Variants in ATXN10 observed in about 807,000 individuals in gnomAD.
ATXN10 encodes ataxin-10.
A neutral mutation model predicts 52.9 loss-of-function variants in ATXN10; 28 were observed. That is an observed-to-expected ratio of 0.53 (90% CI 0.39 to 0.73). The LOEUF (loss-of-function observed/expected upper bound fraction) is 0.73, where lower values mean the gene tolerates loss of function less well. Ranked by LOEUF, ATXN10 falls within the 30% of genes least tolerant of loss-of-function variation. The pLI, the probability that ATXN10 is intolerant of heterozygous loss-of-function variation, is 0.00. For synonymous variants in ATXN10, 226 were observed against 221.5 expected, an observed-to-expected ratio of 1.02 and a Z score of -0.18; for missense variants, 565 against 577.0, an observed-to-expected ratio of 0.98 and a Z score of 0.21.
rs1928744646 is a variant in ATXN10 at position 45,824,164 on chromosome 22, G to A, written c.1237+17142G>A. ...TCAGCCCGTCCTGTTTTCCCTTCCG[G>A]CACTCTGGCCACCCTCTTCTAATAT... On this transcript the variant is annotated intron_variant, in intron 10 of 11. Transcript: ENST00000252934. This position sits in a 1 kb window ranked among gnomAD's most constrained non-coding sequence, Gnocchi z 5.2. Among the ~76,000 whole-genome samples the A allele has an allele frequency of 5.3e-5, 8 of 151,798 alleles. 1 individual carries two copies. The highest frequency in any genetic ancestry group is 4.6e-4 in the Admixed American group (7 of 15,234).
At position 45,718,391 on chromosome 22, in the gene ATXN10, T is replaced by C; in HGVS notation, c.648-22T>C. The C allele has an allele frequency of 6.3e-7, 1 of 1,593,226 alleles. No homozygotes were observed. The highest frequency in any genetic ancestry group is 1.1e-5 in the South Asian group (1 of 90,650). On this transcript the variant is annotated intron_variant, in intron 5 of 11. Coordinates refer to ENST00000252934, the MANE Select transcript of ATXN10 (RefSeq NM_013236.4). This position sits in a 1 kb window ranked among gnomAD's most constrained non-coding sequence, Gnocchi z 4.4. ...TTTACTATGTTTCAAGTAACCAAAC[T>C]TTCCTCCTCTTTTTTCCCTAGGTTC...
In ATXN10 at chr22:45,790,432, C is replaced by T. The variant is rs1248738786; in HGVS notation, c.1174-16527C>T. Among the ~76,000 whole-genome samples the T allele has an allele frequency of 6.6e-6, 1 of 152,312 alleles. No individual in the cohort carries two copies. Among genetic ancestry groups the T allele is most frequent in the East Asian group, 1.9e-4 (1 of 5,190 alleles). ...AGAAAACAAGCCAATTCCTGGTCTTCTAATAGTTACCCCAAGCAAAAGTAT... is the reference window on the plus strand; with the variant it reads ...AGAAAACAAGCCAATTCCTGGTCTTTTAATAGTTACCCCAAGCAAAAGTAT... On this transcript the variant is annotated intron_variant, in intron 9 of 11. Transcript: ENST00000252934. This position sits in a 1 kb window ranked among gnomAD's most constrained non-coding sequence, Gnocchi z 4.7.
At chr22:45,692,402 T>C (rs888930516) in intron 2 of ATXN10, among the ~76,000 whole-genome samples, 2 of 152,206 alleles carry the variant, frequency 1.3e-5, no homozygotes, top group African/African-American at 4.8e-5. Context: ...TTTCTGCCTC[T>C]TCCCTTCTAG....
At chr22:45,738,958 A>AT in intron 8 of ATXN10, 119 bp downstream of exon 8, 4 of 963,872 alleles carry the variant, frequency 4.1e-6, no homozygotes, top group Non-Finnish European at 6.5e-6. Context: ...TTGTGAATAT[A>AT]TTTTTTTGAG....
intron 9 of ATXN10, among the ~76,000 whole-genome samples, chr22:45,742,787 G>T (rs560378585): frequency 6.6e-6 from 1 of 152,178 alleles, no homozygotes; most frequent in African/African-American, 2.4e-5. Flanking sequence ...GTATATGGGC[G>T]CACCATTTTG....
At position 45,789,894 on chromosome 22, in the gene ATXN10, A is replaced by G. The variant is rs531215893; in HGVS notation, c.1174-17065A>G. Among the ~76,000 whole-genome samples, 3 of 152,278 alleles carry G rather than the reference A, an allele frequency of 2.0e-5. No individual in the cohort carries two copies. The highest frequency in any genetic ancestry group is 2.1e-4 in the South Asian group (1 of 4,824). ...ACTCTTAAGTGGGTCAGAACAACAC[A>G]TGAATCTAATTAACTGCAAAATCAC... On this transcript the variant is annotated intron_variant, in intron 9 of 11. Coordinates refer to ENST00000252934, the MANE Select transcript of ATXN10 (RefSeq NM_013236.4). This position sits in a 1 kb window ranked among gnomAD's most constrained non-coding sequence, Gnocchi z 4.0.
rs1034250406 is a variant in ATXN10 at position 45,833,351 on chromosome 22, G to C, written c.1238-9640G>C. ...AATGCCATTGGAGCAAGTGCTACCA[G>C]ATGCCCAGACACTGGTGTGTACAGC... is the stretch of plus-strand genomic sequence containing the variant. On this transcript the variant is annotated intron_variant, in intron 10 of 11. Coordinates refer to ENST00000252934, the MANE Select transcript of ATXN10 (RefSeq NM_013236.4). This position sits in a 1 kb window ranked among gnomAD's most constrained non-coding sequence, Gnocchi z 4.3. Among the ~76,000 whole-genome samples, 1 of 152,218 alleles carries C rather than the reference G, an allele frequency of 6.6e-6. No individual in the cohort carries two copies. The highest frequency in any genetic ancestry group is 2.4e-5 in the African/African-American group (1 of 41,454).
At chr22:45,740,220 A>G in intron 8 of ATXN10, 149 bp from the exon 9 acceptor site, 1 of 748,000 alleles carries the variant, frequency 1.3e-6, no homozygotes, top group East Asian at 2.7e-5. Context: ...CAAAGGCAGA[A>G]GAGCCTTGTA....
At position 45,684,788 on chromosome 22, in the gene ATXN10, T is replaced by C. The variant is rs1923070327; in HGVS notation, c.117-4924T>C. On this transcript the variant is annotated intron_variant, in intron 1 of 11. Coordinates refer to ENST00000252934, the MANE Select transcript of ATXN10 (RefSeq NM_013236.4). This position sits in a 1 kb window ranked among gnomAD's most constrained non-coding sequence, Gnocchi z 4.1. Reference sequence around the variant, plus strand: ...AGGAGAGAAGAGTGTGAAAAGAAGTTTTGAGTTCTGCGCAGATTTCAAAAT... The same window carrying C: ...AGGAGAGAAGAGTGTGAAAAGAAGTCTTGAGTTCTGCGCAGATTTCAAAAT... 6.6e-6 allele frequency among the ~76,000 whole-genome samples: 1 copy of C among 152,174 alleles called. No individual in the cohort carries two copies. Among genetic ancestry groups the C allele is most frequent in the East Asian group, 1.9e-4 (1 of 5,202 alleles).
Position 45,825,923 on chromosome 22 carries a change from G to A in ATXN10, c.1238-17068G>A, listed in dbSNP as rs969376793. Among the ~76,000 whole-genome samples, 1 of 152,088 alleles carries A rather than the reference G, an allele frequency of 6.6e-6. No homozygotes were observed. Among genetic ancestry groups the A allele is most frequent in the East Asian group, 1.9e-4 (1 of 5,170 alleles). On this transcript the variant is annotated intron_variant, in intron 10 of 11. Coordinates refer to ENST00000252934, the MANE Select transcript of ATXN10 (RefSeq NM_013236.4). This position sits in a 1 kb window ranked among gnomAD's most constrained non-coding sequence, Gnocchi z 4.5. ...ATCTCTACAAAAATTAGCCCCAGGC[G>A]TGGTGGTGTGCACCTGTAGTCCCAG... is the stretch of plus-strand genomic sequence containing the variant.
At chr22:45,839,600 C>T in intron 10 of ATXN10, among the ~76,000 whole-genome samples, 1 of 152,194 alleles carries the variant, frequency 6.6e-6, no homozygotes, top group East Asian at 1.9e-4. Flanking sequence ...AAATTAGCTA[C>T]CAAACACTTG....
intron 3 of ATXN10, among the ~76,000 whole-genome samples, chr22:45,695,951 ATT>A (rs1923590997): frequency 6.6e-6 from 1 of 152,128 alleles, no homozygotes. Flanking sequence ...TAGTGTTTTC[ATT>A]TTAAACTCAG....
rs74268525 is a variant in ATXN10 at position 45,740,679 on chromosome 22, T to TACACACACAC, written c.1173+173_1173+182dup. 39 of 392,068 alleles carry TACACACACAC rather than the reference T, an allele frequency of 9.9e-5. 2 individuals are homozygous for TACACACACAC. In the East Asian group the frequency reaches 1.1e-3, roughly 11 times the overall value. 24.3% of individuals were successfully genotyped at this position (392,068 alleles called of 1,614,324 possible). On this transcript the variant is annotated intron_variant, in intron 9 of 11. Transcript: ENST00000252934. ...TAGAGAGATATATATTTTATATGAA[T>TACACACACAC]ACACACACACACACACACACACACA...
chr22:45,736,069 A>C (rs1925283112), intron 7 of ATXN10, among the ~76,000 whole-genome samples: 1 of 152,036 alleles, frequency 6.6e-6, no homozygotes, highest in East Asian at 1.9e-4. Flanking sequence ...ATTTTAGTTA[A>C]TATCATAGAA....
chr22:45,745,190 A>T (rs1272665169), intron 9 of ATXN10, among the ~76,000 whole-genome samples: 4 of 152,218 alleles, frequency 2.6e-5, no homozygotes, highest in Non-Finnish European at 5.9e-5. Flanking sequence ...AGAATAAGGA[A>T]TGTATGGTTT....
chr22:45,736,070 TATC>T (rs1386644608), intron 7 of ATXN10, among the ~76,000 whole-genome samples: 1 of 152,186 alleles, frequency 6.6e-6, no homozygotes, highest in Non-Finnish European at 1.5e-5. Context: ...TTTTAGTTAA[TATC>T]ATAGAATTTA....
intron 10 of ATXN10, among the ~76,000 whole-genome samples, chr22:45,815,948 C>G (rs545725249): frequency 1.3e-5 from 2 of 152,156 alleles, no homozygotes; most frequent in African/African-American, 4.8e-5. Context: ...GTAGTAACCA[C>G]TCAATAAAAT....
intron 8 of ATXN10, 70 bp downstream of exon 8, chr22:45,738,909 C>G: frequency 7.7e-7 from 1 of 1,294,394 alleles, no homozygotes; most frequent in African/African-American, 1.5e-5. Context: ...AATATAAATC[C>G]AAATACAAAT....
intron 10 of ATXN10, among the ~76,000 whole-genome samples, chr22:45,817,604 C>A (rs1001921557): frequency 6.6e-6 from 1 of 151,958 alleles, no homozygotes; most frequent in Non-Finnish European, 1.5e-5. Flanking sequence ...GGATTACAGG[C>A]GTGAGCCACC....
Sources: allele counts gnomAD v4.1 joint callset (sites outside exome capture counted in the v4.1 genomes callset), GRCh38; gene constraint gnomAD v4.1.1; non-coding constraint Gnocchi (gnomAD v3.1); transcripts MANE v1.5; gene names NCBI Gene and HGNC (gene_info 2026-07-23, HGNC 2026-07-21).